ZNF391: variants seen among roughly 807,000 people sequenced by gnomAD.
The protein encoded by ZNF391 is zinc finger protein 391.
For missense variants in ZNF391, 375 were observed against 425.5 expected (o/e 0.88, Z 1.04); for synonymous variants, 126 against 142.1 (o/e 0.89, Z 0.80).
chr6:27,389,926 T>C (rs1325611896), intron 1 of ZNF391, among the ~76,000 whole-genome samples: 1 of 115,396 alleles, frequency 8.7e-6, no homozygotes, highest in Non-Finnish European at 1.9e-5. Flanking sequence ...GTATTGACAG[T>C]TACTGTGGAT....
chr6:27,400,902 A>T lies in ZNF391; in HGVS notation c.532A>T (p.Thr178Ser). 6.2e-7 allele frequency: 1 copy of T among 1,614,110 alleles called. No individual in the cohort carries two copies. Among genetic ancestry groups the T allele is most frequent in the Non-Finnish European group, 8.5e-7 (1 of 1,180,002 alleles). ...NECGKAFSRS[T>S]HLSLHQRIHT... The stretch of plus-strand genomic sequence containing the variant: ...ATGTGGAAAAGCTTTTAGCCGGAGC[A>T]CACATCTTAGTCTACATCAGAGAAT... Residue 178 changes from threonine (T) to serine (S), a missense_variant, in exon 3 of 3, where the codon ACA becomes TCA. By Grantham distance (58) the Thr-to-Ser change is moderately conservative. Transcript: ENST00000244576.
At chr6:27,384,591 AAAT>A (rs576584055), upstream of ZNF391, among the ~76,000 whole-genome samples, 299 of 152,320 alleles carry the variant, frequency 2.0e-3, 1 homozygote, top group African/African-American at 6.8e-3. Context: ...AGTTTGCTCA[AAAT>A]AATAACAATA....
Position 27,389,023 on chromosome 6 carries a change from G to A in ZNF391, c.-240G>A, listed in dbSNP as rs1326658008. The A allele has an allele frequency of 2.2e-6, 1 of 456,278 alleles. No individual in the cohort carries two copies. The highest frequency in any genetic ancestry group is 7.0e-5 in the East Asian group (1 of 14,386). The allele number at this position is 456,278 out of a possible 1,614,324, so 28.3% of individuals were successfully genotyped here. On this transcript the variant is annotated 5_prime_UTR_variant, in exon 1 of 3. Transcript: ENST00000244576. ...GGGACCCGCCCGGGGTGTGTCGGGG[G>A]TACTCGGCCGGAGGCGGCCGGTGAG... is the stretch of plus-strand genomic sequence containing the variant.
intron 1 of ZNF391, among the ~76,000 whole-genome samples, chr6:27,397,400 A>G (rs1420697825): frequency 6.6e-6 from 1 of 152,066 alleles, no homozygotes; most frequent in African/African-American, 2.4e-5. Flanking sequence ...TGATCCAACC[A>G]TCTCCCACCA....
intron 1 of ZNF391, among the ~76,000 whole-genome samples, chr6:27,377,740 C>T (rs182338275): frequency 6.6e-6 from 1 of 152,326 alleles, no homozygotes; most frequent in Non-Finnish European, 1.5e-5. Context: ...GAGACTGTGC[C>T]ACTGGCACAT....
rs1385441385 is a variant in ZNF391 at position 27,400,802 on chromosome 6, A to G, written c.432A>G (p.Lys144=). Residue 144 remains lysine (K), a synonymous_variant, in exon 3 of 3, where the codon AAA becomes AAG. Coordinates refer to ENST00000244576, the MANE Select transcript of ZNF391 (RefSeq NM_001076781.3). ...CTTTTGAATGCAACAAATGTGGGAAATCTTTCAGCCGAAGTACACACCTTA... is the reference window on the plus strand; with the variant it reads ...CTTTTGAATGCAACAAATGTGGGAAGTCTTTCAGCCGAAGTACACACCTTA... ...EKPFECNKCG[K]SFSRSTHLIE... The G allele has an allele frequency of 1.2e-6, 2 of 1,614,082 alleles. No individual in the cohort carries two copies. The highest frequency in any genetic ancestry group is 2.7e-5 in the African/African-American group (2 of 74,930).
At position 27,401,065 on chromosome 6, in the gene ZNF391, A is replaced by T. The variant is rs1180493345; in HGVS notation, c.695A>T (p.Asp232Val). Reference sequence around the variant, plus strand: ...AATGAATGTGGGAAAGCCTTCGGTGACCGTTCAACCATAATTCAGCATCAA... The same window carrying T: ...AATGAATGTGGGAAAGCCTTCGGTGTCCGTTCAACCATAATTCAGCATCAA... ...KCNECGKAFG[D>V]RSTIIQHQRI... The change falls in exon 3 of 3, where the codon GAC becomes GTC. Residue 232 changes from aspartate to valine, a missense_variant. Transcript: ENST00000244576. 3 of 1,614,188 alleles carry T rather than the reference A, an allele frequency of 1.9e-6. No homozygotes were observed. Among genetic ancestry groups the T allele is most frequent in the East Asian group, 4.5e-5 (2 of 44,888 alleles).
Position 27,400,297 on chromosome 6 carries a change from G to A in ZNF391, c.-74G>A. On this transcript the variant is annotated 5_prime_UTR_variant, in exon 3 of 3. Coordinates refer to ENST00000244576, the MANE Select transcript of ZNF391 (RefSeq NM_001076781.3). ...TACACTTTAAATGTCTTTCAGATAG[G>A]GGGATTTGAGCTGAACCAAAGCATC... is the stretch of plus-strand genomic sequence containing the variant. 8.5e-7 allele frequency: 1 copy of A among 1,173,946 alleles called. No homozygotes were observed. The highest frequency in any genetic ancestry group is 1.5e-5 in the South Asian group (1 of 65,318). The allele number at this position is 1,173,946 out of a possible 1,614,324, so 72.7% of individuals were successfully genotyped here. A position where few individuals can be genotyped will look rare whatever the true frequency, so the allele number is the denominator to read the frequency against.
rs1761953309 is a variant in ZNF391 at position 27,401,133 on chromosome 6, G to T, written c.763G>T (p.Gly255Ter). ...GENPYECSKCGKAFSWISSLT... is the reference protein window; with the variant it reads ...GENPYECSKC ...GAATCCCTATGAATGCAGTAAATGT[G>T]GAAAAGCTTTCAGTTGGATCTCATC... The change falls in exon 3 of 3, where the codon GGA (glycine) becomes TGA (stop). Residue 255 changes from glycine (G) to a stop codon, truncating the protein, a stop_gained. Transcript: ENST00000244576. LOFTEE classifies it low-confidence loss of function (END_TRUNC). The T allele has an allele frequency of 6.2e-7, 1 of 1,614,066 alleles. No homozygotes were observed. The highest frequency in any genetic ancestry group is 1.1e-5 in the South Asian group (1 of 91,078).
Position 27,400,274 on chromosome 6 carries a change from C to A in ZNF391, c.-78-19C>A. Reference sequence around the variant, plus strand: ...CCATAGTAGATACAGATGACATTTACACTTTAAATGTCTTTCAGATAGGGG... The same window carrying A: ...CCATAGTAGATACAGATGACATTTAAACTTTAAATGTCTTTCAGATAGGGG... On this transcript the variant is annotated intron_variant, in intron 2 of 2. Transcript: ENST00000244576. The A allele has an allele frequency of 1.0e-6, 1 of 979,266 alleles. No homozygotes were observed. The highest frequency in any genetic ancestry group is 1.5e-6 in the Non-Finnish European group (1 of 652,124). 60.7% of individuals were successfully genotyped at this position (979,266 alleles called of 1,614,324 possible). A position where few individuals can be genotyped will look rare whatever the true frequency, so the allele number is the denominator to read the frequency against.
In ZNF391 at chr6:27,388,845, C is replaced by T. The variant is rs1054762954; in HGVS notation, c.-418C>T. Reference sequence around the variant, plus strand: ...CCAGACAATGACTGGTCCCGCATACCGAGCAGAGCATGATCAGCAGCAGTC... The same window carrying T: ...CCAGACAATGACTGGTCCCGCATACTGAGCAGAGCATGATCAGCAGCAGTC... On this transcript the variant is annotated 5_prime_UTR_variant, in exon 1 of 3. An upstream open reading frame in the 5' UTR gains an earlier in-frame stop. Transcript: ENST00000244576. The T allele has an allele frequency of 6.8e-6, 3 of 444,064 alleles. No individual in the cohort carries two copies. Among genetic ancestry groups the T allele is most frequent in the Admixed American group, 2.6e-5 (1 of 37,768 alleles). The allele number at this position is 444,064 out of a possible 1,614,324, so 27.5% of individuals were successfully genotyped here. A position where few individuals can be genotyped will look rare whatever the true frequency, so the allele number is the denominator to read the frequency against.
At chr6:27,392,241 G>A (rs554039563) in intron 1 of ZNF391, among the ~76,000 whole-genome samples, 116 of 152,194 alleles carry the variant, frequency 7.6e-4, no homozygotes, top group African/African-American at 2.7e-3. Context: ...TTCAGTGGAG[G>A]CCAGAGACTT....
upstream of ZNF391, among the ~76,000 whole-genome samples, chr6:27,385,410 G>T (rs1761571748): frequency 6.6e-6 from 1 of 152,024 alleles, no homozygotes. Flanking sequence ...TCACTTTAAA[G>T]ATAAAGATAC....
rs1267166174 is a variant in ZNF391 at position 27,400,959 on chromosome 6, G to A, written c.589G>A (p.Glu197Lys). ...TGGAGAAAAACCATATGAATGTAGTGAATGTGGAAAAGCCTTTAGCCGAAG... is the reference window on the plus strand; with the variant it reads ...TGGAGAAAAACCATATGAATGTAGTAAATGTGGAAAAGCCTTTAGCCGAAG... ...HTGEKPYECS[E>K]CGKAFSRSTN... Residue 197 changes from glutamate to lysine, a missense_variant, in exon 3 of 3, where the codon GAA becomes AAA. Glu to Lys is a moderately conservative substitution (Grantham distance 56). Transcript: ENST00000244576. 8 of 1,614,206 alleles carry A rather than the reference G, an allele frequency of 5.0e-6. No homozygotes were observed. The highest frequency in any genetic ancestry group is 6.8e-6 in the Non-Finnish European group (8 of 1,180,034).
At chr6:27,386,930 A>T (rs919106233), upstream of ZNF391, among the ~76,000 whole-genome samples, 5 of 152,058 alleles carry the variant, frequency 3.3e-5, no homozygotes, top group Non-Finnish European at 7.4e-5. Context: ...CAAAAGAGAG[A>T]AAAACTTCAC....
intron 1 of ZNF391, among the ~76,000 whole-genome samples, chr6:27,381,480 T>C (rs1274241760): frequency 2.6e-5 from 4 of 152,218 alleles, no homozygotes; most frequent in Non-Finnish European, 5.9e-5. Context: ...GGCTCCGGCC[T>C]TGGCCAGCCC....
In ZNF391 at chr6:27,376,298, A is replaced by G. The variant is rs1484792115; in HGVS notation, n.523+1161A>G. ...ATTAACACATTACAGATGAGTAAAT[A>G]GTCACAGAGAGGTTAAGTAACTCAC... On this transcript the variant is annotated intron_variant and non_coding_transcript_variant, in intron 1 of 2. Coordinates refer to the ZNF391 transcript ENST00000477999. The surrounding 1 kb of genome is among the most constrained non-coding windows in gnomAD (Gnocchi z 4.7). 6.6e-6 allele frequency among the ~76,000 whole-genome samples: 1 copy of G among 152,232 alleles called. No homozygotes were observed. The highest frequency in any genetic ancestry group is 1.5e-5 in the Non-Finnish European group (1 of 68,034).
At chr6:27,375,836 A>T (rs1190666343) in intron 1 of ZNF391, among the ~76,000 whole-genome samples, 1 of 152,166 alleles carries the variant, frequency 6.6e-6, no homozygotes, top group African/African-American at 2.4e-5. Context: ...CAAAGCAAGG[A>T]AGGGACAAAG....
chr6:27,389,823 G>A (rs951089516), intron 1 of ZNF391, among the ~76,000 whole-genome samples: 11 of 45,688 alleles, frequency 2.4e-4, no homozygotes, highest in African/African-American at 7.7e-4. Flanking sequence ...CCAAAAAAGA[G>A]AAGTACTTGC....
Sources: gnomAD v4.1 joint callset for allele counts (sites outside exome capture counted in the v4.1 genomes callset) on GRCh38, gnomAD v4.1.1 for gene constraint, Gnocchi (gnomAD v3.1) non-coding constraint, MANE v1.5 for transcripts, NCBI Gene and HGNC (gene_info 2026-07-23, HGNC 2026-07-21) for gene names.